CSMD1: variants seen among roughly 807,000 people sequenced by gnomAD.
The protein encoded by CSMD1 is CUB and Sushi multiple domains 1, also known as CUB and sushi domain-containing protein 1.
In CSMD1, 213 loss-of-function variants were observed where a neutral mutation model predicts 417.5. That is an observed-to-expected ratio of 0.51 (90% CI 0.46 to 0.57). The LOEUF (loss-of-function observed/expected upper bound fraction) is 0.57. Among genes scored for constraint, CSMD1 ranks in the 20% least tolerant of loss-of-function variants. The pLI, the probability that CSMD1 is intolerant of heterozygous loss-of-function variation, is 0.00. For synonymous variants in CSMD1, 2,862 were observed against 1,736.8 expected, an observed-to-expected ratio of 1.65 and a Z score of -16.11; for missense variants, 6,923 against 4,529.7, an observed-to-expected ratio of 1.53 and a Z score of -15.17.
At chr8:4,198,054 C>T (rs995943763) in intron 3 of CSMD1, among the ~76,000 whole-genome samples, 2 of 152,202 alleles carry the variant, frequency 1.3e-5, no homozygotes, top group African/African-American at 2.4e-5. Flanking sequence ...TATTTATGCT[C>T]AGCGATTATC....
chr8:3,547,923 T>C (rs1458702173), intron 10 of CSMD1, among the ~76,000 whole-genome samples: 1 of 152,226 alleles, frequency 6.6e-6, no homozygotes, highest in African/African-American at 2.4e-5. Flanking sequence ...CACCATGCCA[T>C]ATCCTGATGT....
At chr8:3,420,615 G>T (rs536021128) in intron 12 of CSMD1, among the ~76,000 whole-genome samples, 51 of 152,176 alleles carry the variant, frequency 3.4e-4, no homozygotes, top group Middle Eastern at 3.4e-3. Flanking sequence ...AATCAAAAAT[G>T]TTAATTTGAA....
chr8:4,553,992 G>A (rs1162561026), intron 2 of CSMD1, among the ~76,000 whole-genome samples: 7 of 152,134 alleles, frequency 4.6e-5, no homozygotes, highest in African/African-American at 7.2e-5. Flanking sequence ...GAGACAGTCT[G>A]GCCAAAGCTT....
chr8:2,939,433 C>G (rs967622144), intron 69 of CSMD1, among the ~76,000 whole-genome samples: 41 of 152,258 alleles, frequency 2.7e-4, no homozygotes, highest in African/African-American at 8.9e-4. Context: ...AAACTGTTGT[C>G]ACATTTTCTG....
intron 3 of CSMD1, among the ~76,000 whole-genome samples, chr8:4,190,887 G>A (rs73658448): frequency 1.3e-5 from 2 of 151,296 alleles, no homozygotes; most frequent in Non-Finnish European, 2.9e-5. Context: ...TTCTAAGAGG[G>A]AGCTAAATTG....
chr8:4,531,520 C>A (rs1585211055), intron 2 of CSMD1, among the ~76,000 whole-genome samples: 2 of 152,088 alleles, frequency 1.3e-5, no homozygotes, highest in South Asian at 4.1e-4. Context: ...CCCTACACAC[C>A]CCCAGAAGGT....
intron 6 of CSMD1, among the ~76,000 whole-genome samples, chr8:3,722,754 A>G (rs1463316794): frequency 1.3e-5 from 2 of 152,220 alleles, no homozygotes; most frequent in East Asian, 3.9e-4. Flanking sequence ...TAATATTAGC[A>G]TTAATGCTAG....
chr8:4,453,222 C>T (rs953014143), intron 2 of CSMD1, among the ~76,000 whole-genome samples: 1 of 100,270 alleles, frequency 1.0e-5, no homozygotes, highest in Admixed American at 9.0e-5. Context: ...CAGAGACACA[C>T]ACACACACAC....
At chr8:4,006,060 G>A (rs922938297) in intron 4 of CSMD1, among the ~76,000 whole-genome samples, 17 of 152,206 alleles carry the variant, frequency 1.1e-4, no homozygotes, top group African/African-American at 3.9e-4. Context: ...TTCAAGGAAT[G>A]AGCTGGAGGA....
chr8:4,319,454 T>C (rs568393167), intron 3 of CSMD1, among the ~76,000 whole-genome samples: 9 of 152,206 alleles, frequency 5.9e-5, no homozygotes, highest in African/African-American at 7.2e-5. Context: ...ATCCAAATAA[T>C]AGCTACTCCT....
intron 6 of CSMD1, among the ~76,000 whole-genome samples, chr8:3,709,867 G>T (rs1368850776): frequency 1.3e-5 from 2 of 150,478 alleles, no homozygotes; most frequent in African/African-American, 2.4e-5. Flanking sequence ...GTGTGTGTGT[G>T]TACACATGCA....
At chr8:3,712,003 A>C (rs1195317394) in intron 6 of CSMD1, among the ~76,000 whole-genome samples, 1 of 152,218 alleles carries the variant, frequency 6.6e-6, no homozygotes. Context: ...AAGCTGGATG[A>C]GCTAATAAAT....
At chr8:3,922,666 G>A (rs979735146) in intron 5 of CSMD1, among the ~76,000 whole-genome samples, 2 of 152,002 alleles carry the variant, frequency 1.3e-5, no homozygotes, top group African/African-American at 4.8e-5. Context: ...ACTTTTAATT[G>A]TGCTTTTCAT....
Position 3,997,956 on chromosome 8 carries a change from T to C in CSMD1, c.765A>G (p.Leu255=), listed in dbSNP as rs748097214. Residue 255 remains leucine (L), a synonymous_variant, in exon 5 of 70, where the codon CTA becomes CTG. Coordinates refer to ENST00000635120, the MANE Select transcript of CSMD1 (RefSeq NM_033225.6). ...TCTCTAAGAAATCATATCCTTCTTCTAGCTGAAAGTCAGTGAAGACCAGCG... is the reference window on the plus strand; with the variant it reads ...TCTCTAAGAAATCATATCCTTCTTCCAGCTGAAAGTCAGTGAAGACCAGCG... The part of the protein sequence containing the change: ...TIALVFTDFQ[L]EEGYDFLEIS... 9 of 1,612,042 alleles carry C rather than the reference T, an allele frequency of 5.6e-6. No homozygotes were observed. The highest frequency in any genetic ancestry group is 3.3e-5 in the South Asian group (3 of 90,496).
At chr8:4,773,395 C>G (rs935790420) in intron 1 of CSMD1, among the ~76,000 whole-genome samples, 2 of 152,118 alleles carry the variant, frequency 1.3e-5, no homozygotes, top group African/African-American at 4.8e-5. Context: ...CCCAATAGCT[C>G]CTTGTTTCTG....
Position 3,214,541 on chromosome 8 carries a change from GC to G in CSMD1, c.4822del (p.Ala1608LeufsTer28), listed in dbSNP as rs1383124643. 1.2e-6 allele frequency: 2 copies of G among 1,600,368 alleles called. No individual in the cohort carries two copies. The highest frequency in any genetic ancestry group is 1.3e-5 in the African/African-American group (1 of 74,734). On this transcript the variant is annotated frameshift_variant, in exon 30 of 70. Coordinates refer to ENST00000635120, the MANE Select transcript of CSMD1 (RefSeq NM_033225.6). LOFTEE classifies it high-confidence loss of function. ...DPSSITCVIG[A>X]DGKPSWDQVL... ...TTGGTCCCAGGAGGGTTTCCCATCA[GC>G]CCCAATCACACAGGTGATGGATGAG... is the stretch of plus-strand genomic sequence containing the variant.
At chr8:3,260,568 G>A (rs991151107) in intron 26 of CSMD1, among the ~76,000 whole-genome samples, 1 of 151,130 alleles carries the variant, frequency 6.6e-6, no homozygotes, top group Non-Finnish European at 1.5e-5. Context: ...TACAGAGAGG[G>A]TCCACCGAGA....
chr8:4,045,077 T>A (rs1199542207), intron 3 of CSMD1, among the ~76,000 whole-genome samples: 3 of 152,172 alleles, frequency 2.0e-5, no homozygotes, highest in African/African-American at 7.2e-5. Context: ...AGGTATGGTG[T>A]GGAGGCCACA....
chr8:3,629,928 G>A (rs1796693624), intron 7 of CSMD1, among the ~76,000 whole-genome samples: 1 of 152,138 alleles, frequency 6.6e-6, no homozygotes, highest in African/African-American at 2.4e-5. Context: ...TTGTCACAGT[G>A]TTTGTTTGTT....
Sources: allele counts gnomAD v4.1 joint callset (sites outside exome capture counted in the v4.1 genomes callset), GRCh38; gene constraint gnomAD v4.1.1; transcripts MANE v1.5; gene names NCBI Gene and HGNC (gene_info 2026-07-23, HGNC 2026-07-21).